NRXN1: variants seen among roughly 807,000 people sequenced by gnomAD.
NRXN1 encodes the protein neurexin-1.
NRXN1 carries 39 observed loss-of-function variants against 150.9 expected under a neutral mutation model. That is an observed-to-expected ratio of 0.26 (90% CI 0.20 to 0.34). NRXN1 has a LOEUF of 0.34. NRXN1 is among the 10% of genes least tolerant of loss of function. NRXN1 has a pLI of 1.00. For missense variants in NRXN1, 1,815 were observed against 1,949.9 expected (o/e 0.93, Z 1.30); for synonymous variants, 924 against 757.0 (o/e 1.22, Z -3.62).
chr2:50,268,677 G>C (rs1451796944), intron 17 of NRXN1, among the ~76,000 whole-genome samples: 1 of 152,140 alleles, frequency 6.6e-6, no homozygotes, highest in Admixed American at 6.5e-5. Flanking sequence ...GACAACTTTA[G>C]CACTTCAAAT....
chr2:50,651,952 G>A (rs1430897427), intron 5 of NRXN1, among the ~76,000 whole-genome samples: 1 of 152,034 alleles, frequency 6.6e-6, no homozygotes, highest in Non-Finnish European at 1.5e-5. Context: ...GTTATTGTAG[G>A]GTCTTAATGA....
intron 17 of NRXN1, among the ~76,000 whole-genome samples, chr2:50,384,169 T>TG (rs1290598476): frequency 6.6e-6 from 1 of 152,150 alleles, no homozygotes; most frequent in Non-Finnish European, 1.5e-5. Flanking sequence ...CTAGTAAATG[T>TG]TTTCCTATCT....
intron 17 of NRXN1, among the ~76,000 whole-genome samples, chr2:50,359,479 C>T (rs545046084): frequency 3.6e-4 from 55 of 150,952 alleles, no homozygotes; most frequent in Middle Eastern, 6.8e-3. Context: ...TATCAATAGC[C>T]GAACTATCAA....
In NRXN1 at chr2:51,004,356, G is replaced by A. The variant is rs571793128; in HGVS notation, c.772+23146C>T. Among the ~76,000 whole-genome samples the A allele has an allele frequency of 4.6e-5, 7 of 151,960 alleles. No individual in the cohort carries two copies. The East Asian group carries it at 1.4e-3, about 30-fold the overall frequency. On this transcript the variant is annotated intron_variant, in intron 2 of 22. Coordinates refer to ENST00000401669, the MANE Select transcript of NRXN1 (RefSeq NM_001330078.2). ...TTCAGTAAGTGCCATTTCTGTTTTT[G>A]GTTACTTCTCATTCCCTTATTTCTC...
At chr2:50,996,635 T>C (rs1411834902) in intron 2 of NRXN1, among the ~76,000 whole-genome samples, 2 of 151,960 alleles carry the variant, frequency 1.3e-5, no homozygotes, top group Admixed American at 6.6e-5. Context: ...ATTCTAGAGC[T>C]ACAAGACGAA....
chr2:50,003,991 T>C (rs928731934), intron 21 of NRXN1, among the ~76,000 whole-genome samples: 1 of 152,080 alleles, frequency 6.6e-6, no homozygotes, highest in African/African-American at 2.4e-5. Context: ...TTCAAACACA[T>C]TGAAATAAGT....
intron 18 of NRXN1, among the ~76,000 whole-genome samples, chr2:50,222,108 C>T (rs2063942665): frequency 6.6e-6 from 1 of 151,926 alleles, no homozygotes; most frequent in South Asian, 2.1e-4. Context: ...GAAATGAGTA[C>T]TGCTACCCAG....
intron 5 of NRXN1, among the ~76,000 whole-genome samples, chr2:50,759,864 G>C (rs1032825313): frequency 1.9e-4 from 25 of 134,772 alleles, no homozygotes; most frequent in African/African-American, 6.7e-4. Flanking sequence ...GTGTGTGTGT[G>C]TGTGTGACTT....
intron 17 of NRXN1, among the ~76,000 whole-genome samples, chr2:50,266,276 G>C (rs533826167): frequency 6.7e-6 from 1 of 150,074 alleles, no homozygotes; most frequent in Non-Finnish European, 1.5e-5. Context: ...TGGGATTACA[G>C]GTGTGAGCCA....
intron 2 of NRXN1, among the ~76,000 whole-genome samples, chr2:50,934,712 T>A (rs928694217): frequency 1.3e-5 from 2 of 152,138 alleles, no homozygotes; most frequent in African/African-American, 4.8e-5. Flanking sequence ...AAAAAGGAAA[T>A]AATTAAAATG....
At chr2:50,275,981 A>T (rs1316501236) in intron 17 of NRXN1, among the ~76,000 whole-genome samples, 2 of 85,098 alleles carry the variant, frequency 2.4e-5, no homozygotes, top group East Asian at 6.7e-4. Context: ...ACCCATTCCT[A>T]CCTTGCAAAA....
At chr2:50,929,469 C>G (rs1211432635) in intron 2 of NRXN1, among the ~76,000 whole-genome samples, 5 of 151,964 alleles carry the variant, frequency 3.3e-5, no homozygotes, top group Non-Finnish European at 7.4e-5. Context: ...CATTCCTTTA[C>G]TTCTTTAATT....
chr2:50,470,569 T>G (rs2089363037), intron 16 of NRXN1, among the ~76,000 whole-genome samples: 1 of 151,818 alleles, frequency 6.6e-6, no homozygotes, highest in Non-Finnish European at 1.5e-5. Context: ...TTGCTAAATA[T>G]AACGACATTA....
At chr2:49,983,442 A>T (rs570706696) in intron 21 of NRXN1, among the ~76,000 whole-genome samples, 1 of 152,096 alleles carries the variant, frequency 6.6e-6, no homozygotes, top group African/African-American at 2.4e-5. Flanking sequence ...TAGTACTAGG[A>T]ACATTTATAT....
chr2:50,764,021 CTTT>C (rs11458761), intron 5 of NRXN1, among the ~76,000 whole-genome samples: 1 of 142,718 alleles, frequency 7.0e-6, no homozygotes. Flanking sequence ...TCCGTTGGCC[CTTT>C]TTTTTTTTTT....
chr2:50,347,390 A>C lies in NRXN1; in HGVS notation c.3365-110420T>G. 4 of 1,183,692 alleles carry C rather than the reference A, an allele frequency of 3.4e-6. No individual in the cohort carries two copies. Among genetic ancestry groups the C allele is most frequent in the Non-Finnish European group, 3.2e-6 (3 of 938,682 alleles). 73.3% of individuals were successfully genotyped at this position (1,183,692 alleles called of 1,614,324 possible). A position where few individuals can be genotyped will look rare whatever the true frequency, so the allele number is the denominator to read the frequency against. ...GACAGACATCCACCGCGAATCCACT[A>C]GGTAAATCCATTTAGCTTTGTGTGC... On this transcript the variant is annotated intron_variant, in intron 17 of 22. Transcript: ENST00000401669. The surrounding 1 kb of genome is among the most constrained non-coding windows in gnomAD (Gnocchi z 4.9).
At chr2:50,537,702 AG>A (rs1158820455) in intron 10 of NRXN1, among the ~76,000 whole-genome samples, 3 of 152,150 alleles carry the variant, frequency 2.0e-5, no homozygotes, top group Non-Finnish European at 4.4e-5. Context: ...GTACACTTCC[AG>A]AAATGTTGGT....
At chr2:50,280,913 T>G (rs2071347767) in intron 17 of NRXN1, among the ~76,000 whole-genome samples, 1 of 152,168 alleles carries the variant, frequency 6.6e-6, no homozygotes, top group Non-Finnish European at 1.5e-5. Flanking sequence ...TTGTAATTTA[T>G]TTTGAACAAT....
intron 21 of NRXN1, among the ~76,000 whole-genome samples, chr2:49,995,809 AAAAG>A (rs1682862785): frequency 7.2e-6 from 1 of 139,220 alleles, no homozygotes; most frequent in Non-Finnish European, 1.6e-5. Context: ...AAAAGATAGG[AAAAG>A]AAAGAAAATA....
Sources: allele counts gnomAD v4.1 joint callset (sites outside exome capture counted in the v4.1 genomes callset), GRCh38; gene constraint gnomAD v4.1.1; non-coding constraint Gnocchi (gnomAD v3.1); transcripts MANE v1.5; gene names NCBI Gene and HGNC (gene_info 2026-07-23, HGNC 2026-07-21).